PDE4D: variants seen among roughly 807,000 people sequenced by gnomAD.
PDE4D encodes the protein phosphodiesterase 4D.
PDE4D carries 24 observed loss-of-function variants against 87.4 expected under a neutral mutation model. The ratio of observed to expected loss-of-function variants is 0.27; its 90% CI spans 0.20 to 0.39. The LOEUF (loss-of-function observed/expected upper bound fraction) is 0.39. Ranked by LOEUF, PDE4D falls within the 10% of genes least tolerant of loss-of-function variation. The probability of loss-of-function intolerance (pLI) is 1.00; values close to 1 mark genes in which losing one functional copy is unlikely to be tolerated. For synonymous variants in PDE4D, 384 were observed against 383.2 expected, an observed-to-expected ratio of 1.00 and a Z score of -0.02; for missense variants, 714 against 1,041.0, an observed-to-expected ratio of 0.69 and a Z score of 4.32.
chr5:60,149,900 T>C (rs1348260214), intron 2 of PDE4D, among the ~76,000 whole-genome samples: 4 of 147,406 alleles, frequency 2.7e-5, no homozygotes, highest in Non-Finnish European at 6.0e-5. Flanking sequence ...ATATTATATA[T>C]ACTAGTATAT....
chr5:60,282,999 G>A (rs1267352191), intron 1 of PDE4D, among the ~76,000 whole-genome samples: 1 of 152,098 alleles, frequency 6.6e-6, no homozygotes, highest in African/African-American at 2.4e-5. Flanking sequence ...CTGTTGTTGG[G>A]TGGAGTGTTC....
intron 1 of PDE4D, among the ~76,000 whole-genome samples, chr5:59,652,453 A>G (rs949545989): frequency 1.3e-5 from 2 of 152,184 alleles, no homozygotes; most frequent in African/African-American, 2.4e-5. Context: ...TGCTTGCCCA[A>G]TATGTTTGCG....
At chr5:59,056,287 C>T (rs908661088) in intron 5 of PDE4D, among the ~76,000 whole-genome samples, 3 of 152,054 alleles carry the variant, frequency 2.0e-5, no homozygotes, top group Admixed American at 6.6e-5. Context: ...AAAGTGGAAG[C>T]CTAGGGGTGA....
chr5:60,089,032 T>A (rs1774827326), intron 2 of PDE4D, among the ~76,000 whole-genome samples: 1 of 151,946 alleles, frequency 6.6e-6, no homozygotes, highest in East Asian at 1.9e-4. Context: ...AAAGCTATAA[T>A]TATCAGATAA....
chr5:59,889,488 AC>A (rs753053743), intron 1 of PDE4D, among the ~76,000 whole-genome samples: 23 of 152,124 alleles, frequency 1.5e-4, no homozygotes, highest in Non-Finnish European at 2.9e-4. Context: ...CTCTAAAAAA[AC>A]AATAAATATA....
Position 60,028,602 on chromosome 5 carries a change from T to A in PDE4D, c.43-39885A>T, listed in dbSNP as rs563437037. On this transcript the variant is annotated intron_variant, in intron 2 of 16. Transcript: ENST00000502484. ...GACTGAAGGAAGTATCCCAATTACT[T>A]GTATAAAAATGAGTAAAATCCATGA... is the stretch of plus-strand genomic sequence containing the variant. Among the ~76,000 whole-genome samples, 161 of 152,332 alleles carry A rather than the reference T, an allele frequency of 1.1e-3. 1 individual carries two copies. Among genetic ancestry groups the A allele is most frequent in the African/African-American group, 3.8e-3 (159 of 41,572 alleles).
At chr5:59,570,343 G>A (rs950624622) in intron 1 of PDE4D, among the ~76,000 whole-genome samples, 9 of 152,050 alleles carry the variant, frequency 5.9e-5, no homozygotes, top group Non-Finnish European at 2.9e-5. Flanking sequence ...AAATATTATT[G>A]CTTCTCTAAT....
intron 1 of PDE4D, among the ~76,000 whole-genome samples, chr5:60,299,925 G>A (rs529674933): frequency 6.1e-4 from 93 of 152,102 alleles, no homozygotes; most frequent in Admixed American, 1.0e-3. Context: ...CCAGTAATGG[G>A]ATCTGGCTCA....
chr5:59,873,747 A>T (rs1299950564), intron 1 of PDE4D, among the ~76,000 whole-genome samples: 1 of 152,242 alleles, frequency 6.6e-6, no homozygotes, highest in African/African-American at 2.4e-5. Context: ...ATGGCGTTTT[A>T]CATTCGCTTT....
chr5:59,633,106 G>T (rs1268714068), intron 1 of PDE4D, among the ~76,000 whole-genome samples: 1 of 152,022 alleles, frequency 6.6e-6, no homozygotes, highest in African/African-American at 2.4e-5. Flanking sequence ...AGTATCAATA[G>T]CCAAACTGAT....
chr5:60,266,080 G>A (rs1005770160), intron 1 of PDE4D, among the ~76,000 whole-genome samples: 4 of 152,108 alleles, frequency 2.6e-5, no homozygotes, highest in East Asian at 1.9e-4. Flanking sequence ...CAGAAGGCAG[G>A]AAACTAGATG....
intron 1 of PDE4D, among the ~76,000 whole-genome samples, chr5:59,749,165 A>G (rs1176008649): frequency 6.6e-6 from 1 of 152,176 alleles, no homozygotes; most frequent in African/African-American, 2.4e-5. Context: ...TATGCCACCA[A>G]TTGGCTGCAT....
intron 1 of PDE4D, among the ~76,000 whole-genome samples, chr5:60,291,926 T>G (rs1562294261): frequency 1.3e-5 from 2 of 152,118 alleles, no homozygotes; most frequent in Non-Finnish European, 2.9e-5. Flanking sequence ...AATAAAAGAA[T>G]GGTTAAGTAA....
chr5:59,994,273 T>C (rs1007926876), intron 2 of PDE4D, among the ~76,000 whole-genome samples: 1 of 151,694 alleles, frequency 6.6e-6, no homozygotes, highest in African/African-American at 2.4e-5. Flanking sequence ...AAAATTTCTA[T>C]AAGAAAATCC....
intron 6 of PDE4D, chr5:58,999,963 C>T: frequency 1.0e-6 from 1 of 962,838 alleles, no homozygotes; most frequent in Non-Finnish European, 1.2e-6. Context: ...GACAAGAAGC[C>T]CCTCCCATAA....
chr5:59,179,140 T>A (rs983311799), intron 5 of PDE4D, among the ~76,000 whole-genome samples: 1 of 152,212 alleles, frequency 6.6e-6, no homozygotes. Flanking sequence ...ACAGTCTTAC[T>A]CTGTTGCCCA....
rs142182594 is a variant in PDE4D, at chr5:60,400,881, G to A, written c.-90+87061C>T. On this transcript the variant is annotated intron_variant, in intron 1 of 16. Transcript: ENST00000502484. ...TGGGAGGCACAGGTTGCAGTGAGCCGAGATCATGTGGTATTGGGGGATACA... is the reference window on the plus strand; with the variant it reads ...TGGGAGGCACAGGTTGCAGTGAGCCAAGATCATGTGGTATTGGGGGATACA... Among the ~76,000 whole-genome samples the A allele has an allele frequency of 2.3e-4, 35 of 152,314 alleles. No homozygotes were observed. In the East Asian group the frequency reaches 5.8e-3, roughly 25 times the overall value.
intron 1 of PDE4D, among the ~76,000 whole-genome samples, chr5:60,211,605 G>A (rs1583088515): frequency 6.7e-6 from 1 of 150,066 alleles, no homozygotes. Context: ...TATATTATAT[G>A]AATAACATTT....
At chr5:59,769,840 GA>G (rs11400559) in intron 1 of PDE4D, among the ~76,000 whole-genome samples, 183 of 148,730 alleles carry the variant, frequency 1.2e-3, no homozygotes, top group South Asian at 7.6e-3. Flanking sequence ...AATGCATCCA[GA>G]AAAAAAAAAA....
Sources: gnomAD v4.1 joint callset for allele counts (sites outside exome capture counted in the v4.1 genomes callset) on GRCh38, gnomAD v4.1.1 for gene constraint, MANE v1.5 for transcripts, NCBI Gene and HGNC (gene_info 2026-07-23, HGNC 2026-07-21) for gene names.